Variants in MIS18A observed in about 807,000 individuals in gnomAD.
The protein encoded by MIS18A is protein Mis18-alpha.
MIS18A carries 14 observed loss-of-function variants against 25.0 expected under a neutral mutation model. The ratio of observed to expected loss-of-function variants is 0.56; its 90% CI spans 0.37 to 0.88. The LOEUF is 0.88. Among genes scored for constraint, MIS18A ranks in the 40% least tolerant of loss-of-function variants. MIS18A has a pLI of 0.00. For synonymous variants in MIS18A, 134 were observed against 118.6 expected (o/e 1.13, Z -0.84); for missense variants, 292 against 290.8 (o/e 1.00, Z -0.03).
At chr21:32,169,292 A>G in the MIS18A span, among the ~76,000 whole-genome samples, 1 of 152,056 alleles carries the variant, frequency 6.6e-6, no homozygotes, top group Non-Finnish European at 1.5e-5. Flanking sequence ...TTGTCACTAT[A>G]TGGCCCTTCT....
At chr21:32,213,816 T>C in the MIS18A span, among the ~76,000 whole-genome samples, 1 of 152,178 alleles carries the variant, frequency 6.6e-6, no homozygotes, top group Non-Finnish European at 1.5e-5. Context: ...CCTTGGCTTG[T>C]GGCCACATCA....
chr21:32,275,418 A>C (rs954743344), intron 1 of MIS18A, among the ~76,000 whole-genome samples: 1 of 152,182 alleles, frequency 6.6e-6, no homozygotes, highest in Non-Finnish European at 1.5e-5. Flanking sequence ...AGGAAGATGC[A>C]AACAGCCAAC....
At chr21:32,156,464 T>A in the MIS18A span, 1 of 152,102 alleles carries the variant, frequency 6.6e-6, no homozygotes, top group African/African-American at 2.4e-5. Flanking sequence ...CAGTGGAGGA[T>A]TTACATGAGC....
chr21:32,252,247 G>T, the MIS18A span, among the ~76,000 whole-genome samples: 3 of 66,346 alleles, frequency 4.5e-5, no homozygotes, highest in African/African-American at 1.3e-4. Context: ...AGAAGGAGGA[G>T]GAGGAGGAGG....
chr21:32,269,926 A>G (rs2031681903), intron 3 of MIS18A, 123 bp from the exon 4 acceptor site: 1 of 649,064 alleles, frequency 1.5e-6, no homozygotes, highest in South Asian at 1.8e-5. Flanking sequence ...AGCCTGGGCA[A>G]CACAAGACCC....
chr21:32,278,891 G>A lies in MIS18A; in HGVS notation c.124C>T (p.His42Tyr), dbSNP rs774055421. The change falls in exon 1 of 5, where the codon CAC (histidine) becomes TAC (tyrosine). Residue 42 changes from histidine (H) to tyrosine (Y), a missense_variant. Transcript: ENST00000290130. ...CTCGCCCACTTCTGCAACAGCTGGTGGCGGCTCGAGTCTTCGGAGAGTCTC... is the reference window on the plus strand; with the variant it reads ...CTCGCCCACTTCTGCAACAGCTGGTAGCGGCTCGAGTCTTCGGAGAGTCTC... ...GKRLSEDSSR[H>Y]QLLQKWASMW... is the part of the protein sequence containing the mutation. The A allele has an allele frequency of 1.2e-6, 2 of 1,613,110 alleles. No homozygotes were observed. The highest frequency in any genetic ancestry group is 1.7e-6 in the Non-Finnish European group (2 of 1,179,926).
chr21:32,168,475 G>A, the MIS18A span, among the ~76,000 whole-genome samples: 1 of 152,090 alleles, frequency 6.6e-6, no homozygotes, highest in Non-Finnish European at 1.5e-5. Context: ...AATGTATGAA[G>A]GAATTAAAGG....
chr21:32,215,483 C>T, the MIS18A span, among the ~76,000 whole-genome samples: 6 of 152,002 alleles, frequency 3.9e-5, no homozygotes, highest in East Asian at 5.8e-4. Flanking sequence ...GGTAGGAACG[C>T]GAGGTAAGTG....
the MIS18A span, among the ~76,000 whole-genome samples, chr21:32,178,169 C>T: frequency 6.6e-6 from 1 of 152,122 alleles, no homozygotes; most frequent in Non-Finnish European, 1.5e-5. Flanking sequence ...CTCCTCACAT[C>T]TCCGTCTCTC....
chr21:32,265,434 C>T (rs187399863), downstream of MIS18A, among the ~76,000 whole-genome samples: 42 of 152,352 alleles, frequency 2.8e-4, no homozygotes, highest in African/African-American at 9.9e-4. Context: ...AGCAGCCAGC[C>T]AGCCCTGCTG....
At chr21:32,273,412 A>G (rs2031750240) in intron 2 of MIS18A, among the ~76,000 whole-genome samples, 1 of 151,976 alleles carries the variant, frequency 6.6e-6, no homozygotes, top group Non-Finnish European at 1.5e-5. Context: ...CTGGCCCCCA[A>G]TCCTGAAGCT....
the MIS18A span, among the ~76,000 whole-genome samples, chr21:32,207,306 G>A: frequency 6.6e-6 from 1 of 152,208 alleles, no homozygotes; most frequent in Non-Finnish European, 1.5e-5. Context: ...ACAGCTCAGG[G>A]TTGAAAGTCC....
the MIS18A span, among the ~76,000 whole-genome samples, chr21:32,223,713 G>A: frequency 3.3e-5 from 5 of 152,272 alleles, no homozygotes; most frequent in East Asian, 9.6e-4. Flanking sequence ...AGAGGAGCTG[G>A]TACCATTCCT....
At chr21:32,242,405 T>A in the MIS18A span, among the ~76,000 whole-genome samples, 367 of 152,334 alleles carry the variant, frequency 2.4e-3, 3 homozygotes, top group African/African-American at 8.7e-3. Flanking sequence ...ACATCATTTT[T>A]TTCATGGCAT....
chr21:32,219,866 C>T, the MIS18A span, among the ~76,000 whole-genome samples: 5 of 152,162 alleles, frequency 3.3e-5, no homozygotes, highest in Admixed American at 6.5e-5. Flanking sequence ...TAGGGAAGTT[C>T]GAACTGGGCA....
the MIS18A span, among the ~76,000 whole-genome samples, chr21:32,221,991 A>T: frequency 6.6e-6 from 1 of 152,172 alleles, no homozygotes; most frequent in African/African-American, 2.4e-5. Flanking sequence ...AAAGACTCAG[A>T]CTGGCAAATT....
chr21:32,271,001 T>C (rs949379793), intron 2 of MIS18A, among the ~76,000 whole-genome samples: 1 of 152,232 alleles, frequency 6.6e-6, no homozygotes, highest in African/African-American at 2.4e-5. Flanking sequence ...AACTCTGCTC[T>C]AGTGGAAGGT....
the MIS18A span, among the ~76,000 whole-genome samples, chr21:32,157,412 C>G: frequency 2.0e-5 from 3 of 151,596 alleles, no homozygotes; most frequent in Non-Finnish European, 2.9e-5. Flanking sequence ...AGTGATTGTT[C>G]AGTAGTGAGC....
the MIS18A span, among the ~76,000 whole-genome samples, chr21:32,232,501 A>C: frequency 6.6e-6 from 1 of 151,768 alleles, no homozygotes; most frequent in African/African-American, 2.4e-5. Context: ...TATACTGAAT[A>C]ACTTCCATTG....
Sources: allele counts gnomAD v4.1 joint callset (sites outside exome capture counted in the v4.1 genomes callset), GRCh38; gene constraint gnomAD v4.1.1; transcripts MANE v1.5; gene names NCBI Gene and HGNC (gene_info 2026-07-23, HGNC 2026-07-21).